Variants in B4GALT5 observed in about 807,000 individuals in gnomAD.
The protein encoded by B4GALT5 is UDP-Gal:beta-GlcNAc beta-1,4-galactosyltransferase 5.
In B4GALT5, 11 loss-of-function variants were observed where a neutral mutation model predicts 45.0. That is an observed-to-expected ratio of 0.24 (90% CI 0.15 to 0.40). The LOEUF is 0.40. Among genes scored for constraint, B4GALT5 ranks in the 10% least tolerant of loss-of-function variants. The probability of loss-of-function intolerance (pLI) is 1.00; values close to 1 mark genes in which losing one functional copy is unlikely to be tolerated. For missense variants in B4GALT5, 337 were observed against 500.2 expected (o/e 0.67, Z 3.11); for synonymous variants, 185 against 182.9 (o/e 1.01, Z -0.09).
chr20:49,663,416 A>C (rs527983320), intron 1 of B4GALT5, among the ~76,000 whole-genome samples: 1 of 149,938 alleles, frequency 6.7e-6, no homozygotes, highest in African/African-American at 2.4e-5. Flanking sequence ...TAATAAAGGG[A>C]AATTGATATG....
chr20:49,636,832 T>C (rs561626241), intron 8 of B4GALT5, among the ~76,000 whole-genome samples: 1 of 151,972 alleles, frequency 6.6e-6, no homozygotes, highest in African/African-American at 2.4e-5. Context: ...CAGTGCCATT[T>C]TACTCCCATG....
At chr20:49,656,783 T>G in intron 1 of B4GALT5, 81 bp from the exon 2 acceptor site, 1 of 1,572,062 alleles carries the variant, frequency 6.4e-7, no homozygotes, top group East Asian at 2.3e-5. Flanking sequence ...TATGGATTTT[T>G]TTTTCTTTTT....
At chr20:49,670,805 G>C (rs903465616) in intron 1 of B4GALT5, among the ~76,000 whole-genome samples, 9 of 152,148 alleles carry the variant, frequency 5.9e-5, no homozygotes, top group Non-Finnish European at 1.2e-4. Context: ...GAAACAAATT[G>C]ATATAACCTC....
chr20:49,701,092 T>A (rs1047587110), intron 1 of B4GALT5, among the ~76,000 whole-genome samples: 2 of 152,224 alleles, frequency 1.3e-5, no homozygotes, highest in South Asian at 4.1e-4. Flanking sequence ...ATAACAGTGA[T>A]ACACTGTCTG....
Position 49,633,156 on chromosome 20 carries a change from A to G in B4GALT5, c.*3156T>C, listed in dbSNP as rs1244665124. 1 of 152,680 alleles carries G rather than the reference A, an allele frequency of 6.5e-6. No homozygotes were observed. Among genetic ancestry groups the G allele is most frequent in the Non-Finnish European group, 1.5e-5 (1 of 68,054 alleles). 9.5% of individuals were successfully genotyped at this position (152,680 alleles called of 1,614,324 possible). ...TCAAAAACACGTAGTGATGGAAATA[A>G]GCTAGCTACGCTCAATGCCATCGTC... On this transcript the variant is annotated 3_prime_UTR_variant, in exon 9 of 9. Coordinates refer to ENST00000371711, the MANE Select transcript of B4GALT5 (RefSeq NM_004776.4).
chr20:49,695,215 T>C (rs1250403917), intron 1 of B4GALT5, among the ~76,000 whole-genome samples: 1 of 152,006 alleles, frequency 6.6e-6, no homozygotes, highest in East Asian at 1.9e-4. Flanking sequence ...ATTTTTTTTT[T>C]TTTTAGACAG....
intron 3 of B4GALT5, 111 bp from the exon 4 acceptor site, chr20:49,643,761 TAGC>T (rs1212962043): frequency 8.0e-7 from 1 of 1,243,804 alleles, no homozygotes; most frequent in Non-Finnish European, 1.1e-6. Flanking sequence ...AATTTGTTTT[TAGC>T]AAGGATGGAA....
In B4GALT5 at chr20:49,639,695, ATCT is replaced by A; in HGVS notation, c.897_899del (p.Glu299del). ...AGAGGTACCTGTTCCAGAGGTCGTC[ATCT>A]TCTCCACCCCAACCCCAGAAAGCAT... On this transcript the variant is annotated inframe_deletion, in exon 7 of 9. Transcript: ENST00000371711. 1 of 1,613,712 alleles carries A rather than the reference ATCT, an allele frequency of 6.2e-7. No individual in the cohort carries two copies. The highest frequency in any genetic ancestry group is 8.5e-7 in the Non-Finnish European group (1 of 1,179,674).
chr20:49,688,138 G>A (rs919077928), intron 1 of B4GALT5, among the ~76,000 whole-genome samples: 6 of 152,150 alleles, frequency 3.9e-5, no homozygotes, highest in African/African-American at 1.2e-4. Flanking sequence ...TAATGTCTCA[G>A]GCCTGAAGAA....
chr20:49,674,373 A>G (rs1036407345), intron 1 of B4GALT5, among the ~76,000 whole-genome samples: 9 of 152,142 alleles, frequency 5.9e-5, no homozygotes, highest in Admixed American at 5.9e-4. Flanking sequence ...GACCCTAGCA[A>G]TGTTCACATA....
intron 2 of B4GALT5, among the ~76,000 whole-genome samples, chr20:49,650,760 T>C (rs972705657): frequency 1.3e-5 from 2 of 152,198 alleles, no homozygotes; most frequent in African/African-American, 2.4e-5. Context: ...TGAGGAGCCC[T>C]TGTTTTTCTC....
At chr20:49,685,718 T>C (rs1174281840) in intron 1 of B4GALT5, among the ~76,000 whole-genome samples, 2 of 152,132 alleles carry the variant, frequency 1.3e-5, no homozygotes, top group East Asian at 1.9e-4. Context: ...GGTAGAAAAG[T>C]AGAAAAATAA....
chr20:49,650,301 G>C (rs1382402753), intron 2 of B4GALT5, among the ~76,000 whole-genome samples: 1 of 151,882 alleles, frequency 6.6e-6, no homozygotes, highest in Admixed American at 6.6e-5. Context: ...TCTACATCTT[G>C]GGAGGGGTGG....
At chr20:49,704,380 T>C (rs532538416) in intron 1 of B4GALT5, among the ~76,000 whole-genome samples, 5 of 152,288 alleles carry the variant, frequency 3.3e-5, no homozygotes, top group South Asian at 2.1e-4. Flanking sequence ...AAAAATAATA[T>C]ACAGTTGTGC....
intron 1 of B4GALT5, among the ~76,000 whole-genome samples, chr20:49,703,986 T>G (rs187175743): frequency 6.6e-6 from 1 of 152,212 alleles, no homozygotes; most frequent in East Asian, 1.9e-4. Flanking sequence ...CTTCCTTAGG[T>G]TGGCAATTCT....
intron 1 of B4GALT5, among the ~76,000 whole-genome samples, chr20:49,656,920 C>A (rs999855983): frequency 3.3e-5 from 5 of 151,976 alleles, no homozygotes; most frequent in Non-Finnish European, 7.4e-5. Flanking sequence ...TGTCAATATC[C>A]AACAGTTCTA....
chr20:49,642,408 C>T, intron 5 of B4GALT5, 60 bp downstream of exon 5: 2 of 1,285,336 alleles, frequency 1.6e-6, no homozygotes, highest in Non-Finnish European at 1.1e-6. Flanking sequence ...GATTAGCTTG[C>T]AGCAACCTAA....
intron 1 of B4GALT5, among the ~76,000 whole-genome samples, chr20:49,676,193 G>A (rs1317296878): frequency 6.6e-6 from 1 of 151,922 alleles, no homozygotes; most frequent in Admixed American, 6.6e-5. Flanking sequence ...TATATGTAGA[G>A]AGAGAGAGTG....
At position 49,638,826 on chromosome 20, in the gene B4GALT5, T is replaced by C. The variant is rs1174146518; in HGVS notation, c.917+852A>G. ...ATCTACTATATCACACTCTAAATAG[T>C]GGAAAATGGAAAAGATTCTAAATAT... On this transcript the variant is annotated intron_variant, in intron 7 of 8. Transcript: ENST00000371711. 3.3e-5 allele frequency among the ~76,000 whole-genome samples: 5 copies of C among 152,054 alleles called. No individual in the cohort carries two copies. In the East Asian group the frequency reaches 9.6e-4, roughly 29 times the overall value.
Sources: allele counts gnomAD v4.1 joint callset (sites outside exome capture counted in the v4.1 genomes callset), GRCh38; gene constraint gnomAD v4.1.1; transcripts MANE v1.5; gene names NCBI Gene and HGNC (gene_info 2026-07-23, HGNC 2026-07-21).